Variants in ATP10B observed in about 807,000 individuals in gnomAD.
ATP10B encodes ATPase phospholipid transporting 10B (putative), also known as phospholipid-transporting ATPase VB.
A neutral mutation model predicts 141.2 loss-of-function variants in ATP10B; 122 were observed. That is an observed-to-expected ratio of 0.86 (90% confidence interval 0.75 to 1.00). ATP10B has a LOEUF of 1.00. ATP10B is among the 50% of genes least tolerant of loss of function. The pLI, the probability that ATP10B is intolerant of heterozygous loss-of-function variation, is 0.00. For synonymous variants in ATP10B, 685 were observed against 692.0 expected, an observed-to-expected ratio of 0.99 and a Z score of 0.16; for missense variants, 1,876 against 1,825.3, an observed-to-expected ratio of 1.03 and a Z score of -0.51.
intron 1 of ATP10B, among the ~76,000 whole-genome samples, chr5:160,788,265 G>A (rs1197116636): frequency 2.0e-5 from 3 of 152,088 alleles, no homozygotes; most frequent in Non-Finnish European, 4.4e-5. Context: ...TTAATGAATT[G>A]CTCCTCCTCC....
chr5:160,618,428 T>A (rs1758147918), intron 15 of ATP10B, among the ~76,000 whole-genome samples: 1 of 152,224 alleles, frequency 6.6e-6, no homozygotes, highest in South Asian at 2.1e-4. Context: ...ATTTATCATC[T>A]TCTCTATCTT....
chr5:160,916,711 G>A, the ATP10B span, among the ~76,000 whole-genome samples: 1 of 152,224 alleles, frequency 6.6e-6, no homozygotes, highest in Non-Finnish European at 1.5e-5. Context: ...AACCCAGGCA[G>A]TTGGGCTACA....
intron 2 of ATP10B, among the ~76,000 whole-genome samples, chr5:160,784,715 T>G (rs13185341): frequency 0.45 from 67,803 of 151,902 alleles, 15,360 homozygotes; most frequent in East Asian, 0.59. Flanking sequence ...AGCCAAGGCT[T>G]GTGCCTGCTT....
the ATP10B span, among the ~76,000 whole-genome samples, chr5:160,879,613 T>G: frequency 1.3e-5 from 2 of 148,724 alleles, no homozygotes; most frequent in Non-Finnish European, 3.0e-5. Context: ...CCAAGGTGGG[T>G]GGACGGTGAG....
At chr5:160,812,813 T>C (rs934248958) in intron 1 of ATP10B, among the ~76,000 whole-genome samples, 3 of 152,150 alleles carry the variant, frequency 2.0e-5, no homozygotes, top group Non-Finnish European at 4.4e-5. Flanking sequence ...TTAAAAGTGA[T>C]AGAGGAAGAG....
At chr5:160,750,484 G>T (rs2963193) in intron 2 of ATP10B, among the ~76,000 whole-genome samples, 20,030 of 151,966 alleles carry the variant, frequency 0.13, 1,422 homozygotes, top group Admixed American at 0.24. Flanking sequence ...AACTATTGTT[G>T]GTTCTAAGTC....
the ATP10B span, among the ~76,000 whole-genome samples, chr5:160,878,815 G>A: frequency 6.6e-6 from 1 of 151,176 alleles, no homozygotes; most frequent in African/African-American, 2.4e-5. Context: ...TCAGAGAAAT[G>A]CAAATCAAAA....
intron 2 of ATP10B, among the ~76,000 whole-genome samples, chr5:160,742,076 T>C (rs752838021): frequency 5.9e-5 from 9 of 152,210 alleles, no homozygotes; most frequent in Admixed American, 2.0e-4. Flanking sequence ...ATTTGTAATT[T>C]TGAGCAACTG....
intron 15 of ATP10B, among the ~76,000 whole-genome samples, chr5:160,618,459 A>T (rs897843489): frequency 6.6e-6 from 1 of 152,174 alleles, no homozygotes; most frequent in African/African-American, 2.4e-5. Context: ...TCTTATATCA[A>T]ATTAGGTCCC....
intron 7 of ATP10B, among the ~76,000 whole-genome samples, chr5:160,668,226 C>CAAAAAA (rs34528836): frequency 1.8e-5 from 2 of 112,748 alleles, no homozygotes; most frequent in African/African-American, 6.5e-5. Context: ...CGAGACTGTC[C>CAAAAAA]AAAAAAAAAA....
chr5:160,687,843 G>C lies in ATP10B; in HGVS notation c.232C>G (p.Leu78Val), dbSNP rs764961861. Residue 78 changes from leucine to valine, a missense_variant, in exon 5 of 26, where the codon CTC becomes GTC. Leu to Val is a conservative substitution (Grantham distance 32, BLOSUM62 1). Coordinates refer to ENST00000327245, the MANE Select transcript of ATP10B (RefSeq NM_025153.3). ...AGATTCCGGGGCAGGAAGGTGAAGA[G>C]GGTGTATTTGGTTGTGCAGGTTCTG... ...GNRTCTTKYTLFTFLPRNLFE... is the reference protein window; with the variant it reads ...GNRTCTTKYTVFTFLPRNLFE... 1 of 1,614,172 alleles carries C rather than the reference G, an allele frequency of 6.2e-7. No individual in the cohort carries two copies.
intron 1 of ATP10B, among the ~76,000 whole-genome samples, chr5:160,797,462 C>A (rs1772030103): frequency 6.6e-6 from 1 of 152,188 alleles, no homozygotes; most frequent in African/African-American, 2.4e-5. Flanking sequence ...CTTGAACTTA[C>A]ATCACATCTC....
At chr5:160,876,649 A>T in the ATP10B span, among the ~76,000 whole-genome samples, 1 of 152,128 alleles carries the variant, frequency 6.6e-6, no homozygotes, top group South Asian at 2.1e-4. Flanking sequence ...CAAGACTAAT[A>T]AAGAAAAAAG....
At position 160,840,299 on chromosome 5, in the gene ATP10B, C is replaced by T. The variant is rs189789047; in HGVS notation, c.-576+11642G>A. On this transcript the variant is annotated intron_variant, in intron 1 of 25. Transcript: ENST00000327245. ...ATAAGAATAGGTAGAAAAACAGTCA[C>T]TAGGAAGAGCTATGAAGGGGGTATA... Among the ~76,000 whole-genome samples the T allele has an allele frequency of 1.8e-3, 281 of 151,944 alleles. 1 individual carries two copies. The highest frequency in any genetic ancestry group is 6.7e-3 in the African/African-American group (276 of 41,464).
At chr5:160,855,104 A>T (rs1753963836), upstream of ATP10B, among the ~76,000 whole-genome samples, 1 of 152,102 alleles carries the variant, frequency 6.6e-6, no homozygotes, top group Non-Finnish European at 1.5e-5. Flanking sequence ...CACAGACAGA[A>T]GTTTAATTCC....
At chr5:160,801,440 T>A (rs1015025749) in intron 1 of ATP10B, among the ~76,000 whole-genome samples, 1 of 152,122 alleles carries the variant, frequency 6.6e-6, no homozygotes, top group Non-Finnish European at 1.5e-5. Context: ...CCTTTGCAGC[T>A]CTTACTACAA....
intron 9 of ATP10B, among the ~76,000 whole-genome samples, chr5:160,642,254 G>A (rs1336310902): frequency 6.6e-6 from 1 of 152,188 alleles, no homozygotes; most frequent in South Asian, 2.1e-4. Flanking sequence ...TGTATGAAGT[G>A]GGAAAATAAA....
chr5:160,646,708 G>C (rs1760297310), intron 8 of ATP10B, among the ~76,000 whole-genome samples: 1 of 152,022 alleles, frequency 6.6e-6, no homozygotes, highest in African/African-American at 2.4e-5. Context: ...AATAATTTTA[G>C]GATGTTCTGA....
At chr5:160,923,637 C>T in the ATP10B span, among the ~76,000 whole-genome samples, 10 of 152,300 alleles carry the variant, frequency 6.6e-5, no homozygotes, top group East Asian at 1.7e-3. Flanking sequence ...TCTGACTTTA[C>T]GCACCTTCCT....
Sources: gnomAD v4.1 joint callset for allele counts (sites outside exome capture counted in the v4.1 genomes callset) on GRCh38, gnomAD v4.1.1 for gene constraint, MANE v1.5 for transcripts, NCBI Gene and HGNC (gene_info 2026-07-23, HGNC 2026-07-21) for gene names.